POT1: variants seen among roughly 807,000 people sequenced by gnomAD.
The protein encoded by POT1 is protection of telomeres 1, also known as protection of telomeres protein 1.
POT1 carries 47 observed loss-of-function variants against 78.5 expected under a neutral mutation model. That is an observed-to-expected ratio of 0.60 (90% CI 0.47 to 0.76). The LOEUF is 0.76. POT1 is among the 30% of genes least tolerant of loss of function. POT1 has a pLI of 0.00. For missense variants in POT1, 646 were observed against 749.9 expected, an observed-to-expected ratio of 0.86 and a Z score of 1.62; for synonymous variants, 259 against 260.7, an observed-to-expected ratio of 0.99 and a Z score of 0.06.
chr7:124,826,455 C>T (rs1794632104), intron 17 of POT1, among the ~76,000 whole-genome samples: 1 of 152,158 alleles, frequency 6.6e-6, no homozygotes, highest in Non-Finnish European at 1.5e-5. Flanking sequence ...TGAGGACTTC[C>T]AATTGCAATT....
At chr7:124,850,916 AAAC>A (rs1036490878) in intron 11 of POT1, among the ~76,000 whole-genome samples, 8 of 151,188 alleles carry the variant, frequency 5.3e-5, no homozygotes, top group South Asian at 2.1e-4. Flanking sequence ...AAAAAAAAAA[AAAC>A]AACAACAACA....
chr7:124,924,801 G>A (rs545004928), intron 2 of POT1, among the ~76,000 whole-genome samples: 1 of 152,156 alleles, frequency 6.6e-6, no homozygotes, highest in Admixed American at 6.5e-5. Flanking sequence ...CGCAAGAATA[G>A]TTCAACATAC....
At chr7:124,858,777 TAAG>T (rs1795507695) in intron 9 of POT1, 177 bp downstream of exon 9, 2 of 418,998 alleles carry the variant, frequency 4.8e-6, no homozygotes, top group East Asian at 7.3e-5. Flanking sequence ...TCTAACCCAT[TAAG>T]TTTATCTTTT....
intron 3 of POT1, among the ~76,000 whole-genome samples, chr7:124,913,261 A>G (rs1011333834): frequency 6.6e-6 from 1 of 152,186 alleles, no homozygotes; most frequent in Non-Finnish European, 1.5e-5. Flanking sequence ...AACAACCATC[A>G]GTATTGTATT....
chr7:124,866,553 A>T (rs2116552570), intron 7 of POT1, among the ~76,000 whole-genome samples: 1 of 152,268 alleles, frequency 6.6e-6, no homozygotes. Flanking sequence ...GTGGACTTTT[A>T]GACATCCCCT....
chr7:124,884,700 C>A (rs192076656), intron 6 of POT1, among the ~76,000 whole-genome samples: 1 of 152,220 alleles, frequency 6.6e-6, no homozygotes, highest in Admixed American at 6.5e-5. Context: ...CCTCTAAATT[C>A]AAATATTAGG....
At chr7:124,897,086 A>G (rs1796508953) in intron 5 of POT1, 79 bp downstream of exon 5, 1 of 826,542 alleles carries the variant, frequency 1.2e-6, no homozygotes, top group Non-Finnish European at 1.8e-6. Context: ...TGGACTGAAT[A>G]TACATACACA....
At chr7:124,899,684 G>A (rs138909418) in intron 3 of POT1, among the ~76,000 whole-genome samples, 101 of 151,968 alleles carry the variant, frequency 6.6e-4, no homozygotes, top group African/African-American at 1.7e-3. Flanking sequence ...AACTAACACC[G>A]GAAGATAAAC....
chr7:124,882,871 A>G (rs1796150724), intron 6 of POT1, among the ~76,000 whole-genome samples: 1 of 152,090 alleles, frequency 6.6e-6, no homozygotes, highest in Non-Finnish European at 1.5e-5. Flanking sequence ...TCATCAAAAA[A>G]GTCATTCCTG....
chr7:124,888,338 T>C (rs1384248397), intron 6 of POT1, among the ~76,000 whole-genome samples: 1 of 152,122 alleles, frequency 6.6e-6, no homozygotes, highest in Non-Finnish European at 1.5e-5. Flanking sequence ...TCTGGCTTCA[T>C]GGCAGTACCA....
intron 15 of POT1, among the ~76,000 whole-genome samples, chr7:124,831,052 G>C (rs1461496672): frequency 1.4e-4 from 21 of 152,048 alleles, no homozygotes; most frequent in Admixed American, 1.4e-3. Flanking sequence ...ATAAACACGG[G>C]GGCTGCTTAA....
chr7:124,886,925 G>C (rs576266979), intron 6 of POT1, among the ~76,000 whole-genome samples: 1 of 151,878 alleles, frequency 6.6e-6, no homozygotes, highest in East Asian at 1.9e-4. Flanking sequence ...TGATGTATTT[G>C]CAGATCAACT....
chr7:124,872,417 T>C (rs973137511), intron 6 of POT1, among the ~76,000 whole-genome samples: 3 of 152,118 alleles, frequency 2.0e-5, no homozygotes, highest in African/African-American at 2.4e-5. Context: ...TAATGGAAAA[T>C]TACAGAAATA....
intron 3 of POT1, among the ~76,000 whole-genome samples, chr7:124,910,206 G>C (rs919467352): frequency 7.5e-4 from 114 of 151,810 alleles, no homozygotes; most frequent in Non-Finnish European, 1.0e-4. Context: ...TTGCTTTTCA[G>C]TTTATAGCCT....
At chr7:124,897,249 A>T in intron 4 of POT1, 37 bp from the exon 5 acceptor site, 1 of 925,858 alleles carries the variant, frequency 1.1e-6, no homozygotes, top group Non-Finnish European at 1.7e-6. Flanking sequence ...TTGTATACAG[A>T]TAACCTCCAA....
At chr7:124,878,332 A>C (rs1796038675) in intron 6 of POT1, among the ~76,000 whole-genome samples, 1 of 151,528 alleles carries the variant, frequency 6.6e-6, no homozygotes, top group Non-Finnish European at 1.5e-5. Flanking sequence ...TCTGTCTCAA[A>C]AAAAGCAGGG....
At chr7:124,894,409 A>C (rs1397867464) in intron 5 of POT1, among the ~76,000 whole-genome samples, 2 of 151,618 alleles carry the variant, frequency 1.3e-5, no homozygotes, top group Admixed American at 1.3e-4. Context: ...AAAGGCCAGC[A>C]AAACTCAATG....
chr7:124,925,819 T>G (rs1797259222), intron 2 of POT1, among the ~76,000 whole-genome samples: 1 of 152,144 alleles, frequency 6.6e-6, no homozygotes, highest in Non-Finnish European at 1.5e-5. Context: ...TACAGCCAAC[T>G]GATCTATGAC....
At chr7:124,855,218 C>CAAAAAAAAAAAAAAAAAAAAAAAAAAAG (rs550056711) in intron 9 of POT1, among the ~76,000 whole-genome samples, 1 of 52,492 alleles carries the variant, frequency 1.9e-5, no homozygotes, top group Non-Finnish European at 3.4e-5. Flanking sequence ...GAGAGGAGAG[C>CAAAAAAAAAAAAAAAAAAAAAAAAAAAG]AAAAAAAAAA....
Sources: allele counts gnomAD v4.1 joint callset (sites outside exome capture counted in the v4.1 genomes callset), GRCh38; gene constraint gnomAD v4.1.1; transcripts MANE v1.5; gene names NCBI Gene and HGNC (gene_info 2026-07-23, HGNC 2026-07-21).